PAQR8: variants seen among roughly 807,000 people sequenced by gnomAD.
The protein encoded by PAQR8 is progestin and adipoQ receptor family member 8.
PAQR8 carries 17 observed loss-of-function variants against 25.2 expected under a neutral mutation model. The observed-to-expected ratio is 0.67, with a 90% confidence interval of 0.46 to 1.01. PAQR8 has a LOEUF of 1.01. Among genes scored for constraint, PAQR8 ranks in the 50% least tolerant of loss-of-function variants. The probability of loss-of-function intolerance (pLI) is 0.00; values close to 1 mark genes in which losing one functional copy is unlikely to be tolerated. For missense variants in PAQR8, 392 were observed against 448.4 expected, an observed-to-expected ratio of 0.87 and a Z score of 1.14; for synonymous variants, 204 against 190.6, an observed-to-expected ratio of 1.07 and a Z score of -0.58.
In PAQR8 at chr6:52,404,269, A is replaced by G; in HGVS notation, c.1056A>G (p.Lys352=). The G allele has an allele frequency of 6.3e-7, 1 of 1,588,564 alleles. No individual in the cohort carries two copies. The highest frequency in any genetic ancestry group is 8.6e-7 in the Non-Finnish European group (1 of 1,160,730). ...AAGTCAAGGCCAGACTGACCAAGAA[A>G]GATTCCTGAGGCTGGCAAGTGGGGC... ...RHKVKARLTK[K]DS is the part of the protein sequence containing the mutation. The change falls in exon 2 of 2, where the codon AAA becomes AAG. Residue 352 remains lysine (K), a synonymous_variant. Transcript: ENST00000442253.
chr6:52,393,361 C>T (rs1283604681), intron 1 of PAQR8, among the ~76,000 whole-genome samples: 3 of 119,906 alleles, frequency 2.5e-5, no homozygotes, highest in South Asian at 2.8e-4. Flanking sequence ...TTTGAGACGG[C>T]GTCTTGCTCT....
chr6:52,393,277 G>T (rs75521631), intron 1 of PAQR8, among the ~76,000 whole-genome samples: 1 of 151,322 alleles, frequency 6.6e-6, no homozygotes, highest in Non-Finnish European at 1.5e-5. Context: ...ACACTGTCTG[G>T]TATGTGCTAA....
intron 1 of PAQR8, among the ~76,000 whole-genome samples, chr6:52,393,379 A>G (rs1232976685): frequency 8.3e-6 from 1 of 121,210 alleles, no homozygotes; most frequent in Non-Finnish European, 1.6e-5. Flanking sequence ...TCTGTTGTCC[A>G]GGCTGGAGTG....
intron 1 of PAQR8, among the ~76,000 whole-genome samples, chr6:52,365,817 G>A (rs1279860089): frequency 2.0e-5 from 3 of 152,000 alleles, no homozygotes; most frequent in Admixed American, 6.6e-5. Context: ...AGTGCTCCCA[G>A]TTACTTTCTT....
chr6:52,380,766 AT>A (rs781261699), intron 1 of PAQR8, among the ~76,000 whole-genome samples: 3 of 152,172 alleles, frequency 2.0e-5, no homozygotes, highest in Non-Finnish European at 4.4e-5. Context: ...TCTTTATTTG[AT>A]GGATCATATG....
At position 52,403,567 on chromosome 6, in the gene PAQR8, GTCAATCACTTA is replaced by G; in HGVS notation, c.355_365del (p.Ser119ProfsTer46). Reference sequence around the variant, plus strand: ...TGCCTCTGCTCCTCTTCATCCTGTCGTCAATCACTTACCTCACCTGCAGCCTTCTGGCCCAC... The same window carrying G: ...TGCCTCTGCTCCTCTTCATCCTGTCGCCTCACCTGCAGCCTTCTGGCCCAC... On this transcript the variant is annotated frameshift_variant, in exon 2 of 2. Transcript: ENST00000442253. LOFTEE classifies it high-confidence loss of function. 6.2e-7 allele frequency: 1 copy of G among 1,614,056 alleles called. No individual in the cohort carries two copies. Among genetic ancestry groups the G allele is most frequent in the Non-Finnish European group, 8.5e-7 (1 of 1,180,034 alleles).
At chr6:52,392,880 A>G (rs1763725847) in intron 1 of PAQR8, among the ~76,000 whole-genome samples, 1 of 152,220 alleles carries the variant, frequency 6.6e-6, no homozygotes, top group Non-Finnish European at 1.5e-5. Context: ...TTATTCTCTT[A>G]GGGAGTATTG....
Position 52,403,760 on chromosome 6 carries a change from G to A in PAQR8, c.547G>A (p.Ala183Thr), listed in dbSNP as rs1562435365. 11 of 1,614,144 alleles carry A rather than the reference G, an allele frequency of 6.8e-6. No homozygotes were observed. Among genetic ancestry groups the A allele is most frequent in the Non-Finnish European group, 9.3e-6 (11 of 1,180,054 alleles). ...DRFWLFFLPAAAFCGWLSCAG... is the reference protein window; with the variant it reads ...DRFWLFFLPATAFCGWLSCAG... ...GTTCTGGCTTTTCTTCTTGCCAGCA[G>A]CTGCCTTCTGTGGCTGGTTATCTTG... is the stretch of plus-strand genomic sequence containing the variant. Residue 183 changes from alanine to threonine, a missense_variant, in exon 2 of 2, where the codon GCT becomes ACT. Physicochemically the swap from Ala to Thr is moderately conservative, Grantham distance 58 (BLOSUM62 0). Transcript: ENST00000442253.
At chr6:52,374,334 C>T (rs953234683) in intron 1 of PAQR8, among the ~76,000 whole-genome samples, 1 of 152,174 alleles carries the variant, frequency 6.6e-6, no homozygotes, top group East Asian at 1.9e-4. Context: ...TTAATAGTTT[C>T]CTTTGTCATT....
chr6:52,366,965 C>T (rs912639241), intron 1 of PAQR8, among the ~76,000 whole-genome samples: 4 of 152,074 alleles, frequency 2.6e-5, no homozygotes, highest in East Asian at 1.9e-4. Context: ...AGGCTGGTCT[C>T]GAACTCCTGA....
At position 52,406,232 on chromosome 6, in the gene PAQR8, A is replaced by G; in HGVS notation, c.*1954A>G. On this transcript the variant is annotated 3_prime_UTR_variant, in exon 2 of 2. Coordinates refer to ENST00000442253, the MANE Select transcript of PAQR8 (RefSeq NM_133367.5). ...GGTCAATTTAAAATAGGGACTAGAAATTATTTGAAGTTTTCTTTATTACGG... is the reference window on the plus strand; with the variant it reads ...GGTCAATTTAAAATAGGGACTAGAAGTTATTTGAAGTTTTCTTTATTACGG... 1 of 358,090 alleles carries G rather than the reference A, an allele frequency of 2.8e-6. No individual in the cohort carries two copies. Among genetic ancestry groups the G allele is most frequent in the East Asian group, 4.4e-5 (1 of 22,984 alleles). The allele number at this position is 358,090 out of a possible 1,614,324, so 22.2% of individuals were successfully genotyped here.
At chr6:52,398,198 TTTTTTC>T (rs1298747685) in intron 1 of PAQR8, among the ~76,000 whole-genome samples, 10,863 of 81,970 alleles carry the variant, frequency 0.13, 629 homozygotes, top group Admixed American at 0.29. Context: ...TTTTCTTTTC[TTTTTTC>T]TTTTTTTTTT....
intron 1 of PAQR8, among the ~76,000 whole-genome samples, chr6:52,389,648 T>C (rs926106074): frequency 3.3e-5 from 5 of 152,182 alleles, no homozygotes; most frequent in African/African-American, 1.2e-4. Flanking sequence ...GCAAATAAAA[T>C]TGCTGGGTCT....
Position 52,403,929 on chromosome 6 carries a change from G to C in PAQR8, c.716G>C (p.Gly239Ala). The stretch of plus-strand genomic sequence containing the variant: ...CGTGTGGCGCTCTGTCACCTGGCTG[G>C]CTGCCAGGAGCAAGCAGCCTGGTAC... ...AHRVALCHLA[G>A]CQEQAAWYHT... The change falls in exon 2 of 2, where the codon GGC becomes GCC. Residue 239 changes from glycine (G) to alanine (A), a missense_variant. Coordinates refer to ENST00000442253, the MANE Select transcript of PAQR8 (RefSeq NM_133367.5). 6.2e-7 allele frequency: 1 copy of C among 1,614,186 alleles called. No individual in the cohort carries two copies. The highest frequency in any genetic ancestry group is 8.5e-7 in the Non-Finnish European group (1 of 1,180,040).
chr6:52,386,734 A>T (rs1230168392), intron 1 of PAQR8, among the ~76,000 whole-genome samples: 1 of 152,244 alleles, frequency 6.6e-6, no homozygotes, highest in East Asian at 1.9e-4. Context: ...CACTACCTGG[A>T]TGATGGACTC....
intron 1 of PAQR8, among the ~76,000 whole-genome samples, chr6:52,379,133 A>G (rs976478089): frequency 6.6e-6 from 1 of 150,602 alleles, no homozygotes; most frequent in South Asian, 2.1e-4. Flanking sequence ...ATTCTGGCAC[A>G]TGCTATGACA....
rs185862183 is a variant in PAQR8, at chr6:52,402,246, A to C, written c.-52-916A>C. On this transcript the variant is annotated intron_variant, in intron 1 of 1. Coordinates refer to ENST00000442253, the MANE Select transcript of PAQR8 (RefSeq NM_133367.5). ...GGGTGTGGTGGTGCATGCCTGTAAT[A>C]CCAGCTACTTGGGAGGCTGAGGCAG... is the stretch of plus-strand genomic sequence containing the variant. Among the ~76,000 whole-genome samples, 1,155 of 151,900 alleles carry C rather than the reference A, an allele frequency of 7.6e-3. 6 individuals carry two copies. The highest frequency in any genetic ancestry group is 0.013 in the Non-Finnish European group (891 of 67,934).
chr6:52,364,117 T>C (rs1331727861), intron 1 of PAQR8, among the ~76,000 whole-genome samples: 1 of 109,728 alleles, frequency 9.1e-6, no homozygotes, highest in Non-Finnish European at 1.8e-5. Context: ...GGTGTGTGTA[T>C]GCACCAGATT....
intron 1 of PAQR8, among the ~76,000 whole-genome samples, chr6:52,366,610 A>G (rs1351586474): frequency 6.6e-6 from 1 of 152,240 alleles, no homozygotes; most frequent in African/African-American, 2.4e-5. Context: ...TACAAAGTAT[A>G]TCTGCAGGAT....
Sources: gnomAD v4.1 joint callset for allele counts (sites outside exome capture counted in the v4.1 genomes callset) on GRCh38, gnomAD v4.1.1 for gene constraint, MANE v1.5 for transcripts, NCBI Gene and HGNC (gene_info 2026-07-23, HGNC 2026-07-21) for gene names.